Variants in NPNT observed in about 807,000 individuals in gnomAD.
NPNT encodes the protein preosteoblast EGF-like repeat protein with MAM domain.
In NPNT, 45 loss-of-function variants were observed where a neutral mutation model predicts 68.6. That is an observed-to-expected ratio of 0.66 (90% CI 0.52 to 0.84). NPNT has a LOEUF of 0.84. NPNT is among the 40% of genes least tolerant of loss of function. The pLI, the probability that NPNT is intolerant of heterozygous loss-of-function variation, is 0.00. For missense variants in NPNT, 672 were observed against 714.8 expected (o/e 0.94, Z 0.68); for synonymous variants, 233 against 253.3 (o/e 0.92, Z 0.76).
chr4:105,903,294 T>C (rs566420339), intron 2 of NPNT, among the ~76,000 whole-genome samples: 1 of 152,380 alleles, frequency 6.6e-6, no homozygotes, highest in East Asian at 1.9e-4. Flanking sequence ...TTGAATCCAC[T>C]GTATGCTTTC....
In NPNT at chr4:105,965,504, T is replaced by C. The variant is rs563334574; in HGVS notation, c.1346-1684T>C. 8.7e-4 allele frequency among the ~76,000 whole-genome samples: 132 copies of C among 152,302 alleles called. 1 individual carries two copies. The highest frequency in any genetic ancestry group is 3.1e-3 in the African/African-American group (128 of 41,566). On this transcript the variant is annotated intron_variant, in intron 10 of 11. Transcript: ENST00000379987. ...GCAAAGAATACCTTGGTGTGTTAGG[T>C]TGTCTTGTTTGCAGGTAGCGTCTGG...
At chr4:105,952,222 T>G (rs1730890969) in intron 8 of NPNT, among the ~76,000 whole-genome samples, 2 of 152,260 alleles carry the variant, frequency 1.3e-5, no homozygotes, top group South Asian at 4.1e-4. Context: ...ATTTTAATGT[T>G]ATTTTTAACT....
At chr4:105,932,191 G>A (rs1233511682) in intron 3 of NPNT, among the ~76,000 whole-genome samples, 1 of 123,510 alleles carries the variant, frequency 8.1e-6, no homozygotes. Flanking sequence ...TGATAGTGTA[G>A]GGAAAAAAAT....
intron 8 of NPNT, among the ~76,000 whole-genome samples, chr4:105,945,765 T>C (rs966052808): frequency 6.6e-6 from 1 of 152,186 alleles, no homozygotes; most frequent in African/African-American, 2.4e-5. Flanking sequence ...ACATACTATA[T>C]AGTACACACT....
intron 7 of NPNT, among the ~76,000 whole-genome samples, chr4:105,940,968 G>C (rs1156860431): frequency 1.3e-5 from 2 of 152,094 alleles, no homozygotes; most frequent in African/African-American, 4.8e-5. Flanking sequence ...ATTAGCGTTA[G>C]ATTTTGATGG....
chr4:105,899,087 A>C (rs886550738), intron 2 of NPNT, among the ~76,000 whole-genome samples: 3 of 152,140 alleles, frequency 2.0e-5, no homozygotes, highest in African/African-American at 7.2e-5. Flanking sequence ...AGTTCAGGAA[A>C]GTTAGGAGTT....
intron 10 of NPNT, among the ~76,000 whole-genome samples, 198 bp downstream of exon 10, chr4:105,959,324 T>C (rs1413349280): frequency 1.3e-5 from 2 of 152,192 alleles, no homozygotes; most frequent in Non-Finnish European, 2.9e-5. Flanking sequence ...TAGCACTATA[T>C]TATGGGAGAC....
At chr4:105,909,680 G>A (rs939539755) in intron 2 of NPNT, among the ~76,000 whole-genome samples, 4 of 152,154 alleles carry the variant, frequency 2.6e-5, no homozygotes, top group African/African-American at 9.7e-5. Context: ...TGAAGAGTTT[G>A]CAGGCTAATA....
intron 8 of NPNT, among the ~76,000 whole-genome samples, chr4:105,945,686 C>A (rs1333231290): frequency 6.6e-6 from 1 of 152,188 alleles, no homozygotes; most frequent in Non-Finnish European, 1.5e-5. Context: ...GAATACAGGC[C>A]CAAAATCCTT....
chr4:105,908,569 CT>C (rs35079311), intron 2 of NPNT, among the ~76,000 whole-genome samples: 237 of 144,088 alleles, frequency 1.6e-3, no homozygotes, highest in Non-Finnish European at 1.7e-3. Context: ...AACCTTTAGC[CT>C]TTTTTTTTTT....
At position 105,942,658 on chromosome 4, in the gene NPNT, A is replaced by T. The variant is rs1476125717; in HGVS notation, c.1115A>T (p.Asn372Ile). 1 of 1,613,846 alleles carries T rather than the reference A, an allele frequency of 6.2e-7. No individual in the cohort carries two copies. Among genetic ancestry groups the T allele is most frequent in the Non-Finnish European group, 8.5e-7 (1 of 1,179,936 alleles). ...CCTCCAGGAGGGATTACAGTTGACA[A>T]CAGGGTACAGACAGACCCTCAGAAA... ...STPPGGITVD[N>I]RVQTDPQKPR... is the part of the protein sequence containing the mutation. The change falls in exon 8 of 12, where the codon AAC becomes ATC. Residue 372 changes from asparagine (N) to isoleucine (I), a missense_variant. Asn to Ile is a moderately radical substitution (Grantham distance 149). Transcript: ENST00000379987.
intron 3 of NPNT, among the ~76,000 whole-genome samples, chr4:105,931,202 CTT>C (rs1368629548): frequency 7.2e-5 from 11 of 151,992 alleles, no homozygotes; most frequent in African/African-American, 2.7e-4. Context: ...CTTTTTATAA[CTT>C]TTCCATTGGG....
Position 105,940,541 on chromosome 4 carries a change from A to G in NPNT, c.668A>G (p.Tyr223Cys), listed in dbSNP as rs1729860294. Residue 223 changes from tyrosine (Y) to cysteine (C), a missense_variant, in exon 7 of 12, where the codon TAT (tyrosine) becomes TGT (cysteine). Physicochemically the swap from Tyr to Cys is radical, Grantham distance 194 (BLOSUM62 -2). Coordinates refer to ENST00000379987, the MANE Select transcript of NPNT (RefSeq NM_001033047.3). Reference protein sequence around the residue: ...HDIDECSLGQYQCSSFARCYN... With the variant: ...HDIDECSLGQCQCSSFARCYN... Reference sequence around the variant, plus strand: ...ATAGACGAATGCTCACTTGGTCAGTATCAGTGCAGCAGCTTTGCTCGATGT... The same window carrying G: ...ATAGACGAATGCTCACTTGGTCAGTGTCAGTGCAGCAGCTTTGCTCGATGT... 2 of 1,613,244 alleles carry G rather than the reference A, an allele frequency of 1.2e-6. No homozygotes were observed. Among genetic ancestry groups the G allele is most frequent in the African/African-American group, 1.3e-5 (1 of 75,000 alleles).
intron 3 of NPNT, among the ~76,000 whole-genome samples, chr4:105,933,081 T>G (rs558619885): frequency 6.6e-6 from 1 of 152,308 alleles, no homozygotes; most frequent in South Asian, 2.1e-4. Context: ...TTCCCCACTC[T>G]TGAGGTATAG....
intron 2 of NPNT, chr4:105,912,719 T>C (rs1282166834): frequency 4.5e-6 from 1 of 220,868 alleles, no homozygotes; most frequent in Non-Finnish European, 7.7e-6. Flanking sequence ...ATTTATGCTC[T>C]TGTTTTAGGT....
chr4:105,942,405 C>A lies in NPNT; in HGVS notation c.862C>A (p.Pro288Thr). The A allele has an allele frequency of 1.2e-6, 2 of 1,613,782 alleles. No individual in the cohort carries two copies. Among genetic ancestry groups the A allele is most frequent in the Non-Finnish European group, 1.7e-6 (2 of 1,179,842 alleles). ...TGACACAGGAAATAATAATTGGATTCCTGATGTTGGAAGTACTTGGTGGCC... is the reference window on the plus strand; with the variant it reads ...TGACACAGGAAATAATAATTGGATTACTGATGTTGGAAGTACTTGGTGGCC... ...KGDTGNNNWI[P>T]DVGSTWWPPK... Residue 288 changes from proline (P) to threonine (T), a missense_variant, in exon 8 of 12, where the codon CCT becomes ACT. By Grantham distance (38) the Pro-to-Thr change is conservative. Coordinates refer to ENST00000379987, the MANE Select transcript of NPNT (RefSeq NM_001033047.3).
At chr4:105,921,948 C>A (rs1321148715) in intron 2 of NPNT, among the ~76,000 whole-genome samples, 1 of 152,154 alleles carries the variant, frequency 6.6e-6, no homozygotes, top group African/African-American at 2.4e-5. Context: ...TTCTTCTGCC[C>A]TACCCTTGCA....
At chr4:105,960,542 A>T (rs879617811) in intron 10 of NPNT, among the ~76,000 whole-genome samples, 1 of 152,226 alleles carries the variant, frequency 6.6e-6, no homozygotes, top group Non-Finnish European at 1.5e-5. Flanking sequence ...TAAAAATTAA[A>T]ATGTGAATTA....
intron 3 of NPNT, among the ~76,000 whole-genome samples, chr4:105,928,675 G>T (rs963585849): frequency 4.6e-5 from 7 of 151,272 alleles, no homozygotes; most frequent in Middle Eastern, 6.3e-3. Context: ...AAAGATTAGG[G>T]TTAGATTTCA....
Sources: allele counts gnomAD v4.1 joint callset (sites outside exome capture counted in the v4.1 genomes callset), GRCh38; gene constraint gnomAD v4.1.1; transcripts MANE v1.5; gene names NCBI Gene and HGNC (gene_info 2026-07-23, HGNC 2026-07-21).